Variants in SLC6A11 observed in about 807,000 individuals in gnomAD.
SLC6A11 encodes the protein sodium- and chloride-dependent GABA transporter 3.
A neutral mutation model predicts 74.8 loss-of-function variants in SLC6A11; 25 were observed. The observed-to-expected ratio is 0.33, with a 90% CI of 0.24 to 0.47. The LOEUF (loss-of-function observed/expected upper bound fraction) is 0.47, where lower values mean the gene tolerates loss of function less well. Ranked by LOEUF, SLC6A11 falls within the 20% of genes least tolerant of loss-of-function variation. The probability of loss-of-function intolerance (pLI) is 1.00; values close to 1 mark genes in which losing one functional copy is unlikely to be tolerated. For missense variants in SLC6A11, 574 were observed against 837.0 expected (o/e 0.69, Z 3.88); for synonymous variants, 330 against 330.2 (o/e 1.00, Z 0.01).
intron 5 of SLC6A11, among the ~76,000 whole-genome samples, chr3:10,861,855 T>C (rs560081817): frequency 2.2e-4 from 33 of 152,264 alleles, no homozygotes; most frequent in Non-Finnish European, 1.2e-4. Flanking sequence ...CATCATGGGT[T>C]AGCTGGGAGG....
intron 5 of SLC6A11, among the ~76,000 whole-genome samples, chr3:10,848,255 C>T (rs561091769): frequency 1.3e-5 from 2 of 152,240 alleles, no homozygotes; most frequent in South Asian, 4.2e-4. Context: ...GGGACTATGG[C>T]GATTTTCTAA....
At chr3:10,829,649 G>A (rs1411395511) in intron 4 of SLC6A11, among the ~76,000 whole-genome samples, 2 of 152,176 alleles carry the variant, frequency 1.3e-5, no homozygotes, top group East Asian at 1.9e-4. Context: ...AACCTGAAGA[G>A]CCTCTGCCTG....
At chr3:10,829,599 G>A (rs2106576315) in intron 4 of SLC6A11, among the ~76,000 whole-genome samples, 1 of 152,166 alleles carries the variant, frequency 6.6e-6, no homozygotes, top group East Asian at 1.9e-4. Flanking sequence ...CCCAGTTTAA[G>A]CAGCTGCCCC....
chr3:10,921,790 A>G (rs1477619000), intron 8 of SLC6A11, among the ~76,000 whole-genome samples: 2 of 152,232 alleles, frequency 1.3e-5, no homozygotes, highest in East Asian at 1.9e-4. Flanking sequence ...GGGAAAAGAT[A>G]TACCATTCAA....
intron 12 of SLC6A11, 140 bp from the exon 13 acceptor site, chr3:10,934,889 C>T: frequency 1.4e-6 from 1 of 728,698 alleles, no homozygotes; most frequent in Non-Finnish European, 2.3e-6. Context: ...CTGGCAGGGC[C>T]TCACTTTTCA....
At chr3:10,840,978 C>T (rs1011604917) in intron 4 of SLC6A11, among the ~76,000 whole-genome samples, 11 of 152,038 alleles carry the variant, frequency 7.2e-5, no homozygotes, top group African/African-American at 2.4e-4. Flanking sequence ...GCCGCTTCCC[C>T]GAGGTGGAGC....
intron 6 of SLC6A11, among the ~76,000 whole-genome samples, chr3:10,884,330 C>G (rs945298170): frequency 6.6e-6 from 1 of 152,126 alleles, no homozygotes; most frequent in Admixed American, 6.5e-5. Flanking sequence ...AGAAACTTGT[C>G]TTTTAATTTA....
intron 6 of SLC6A11, among the ~76,000 whole-genome samples, chr3:10,896,165 T>C (rs896273540): frequency 6.6e-6 from 1 of 152,196 alleles, no homozygotes; most frequent in African/African-American, 2.4e-5. Context: ...CCTCCTGCCC[T>C]TTGTAGAACA....
intron 4 of SLC6A11, among the ~76,000 whole-genome samples, chr3:10,830,887 C>A (rs991817419): frequency 1.3e-5 from 2 of 152,060 alleles, no homozygotes; most frequent in Admixed American, 6.5e-5. Context: ...AGGCAGCCTC[C>A]CCAGGCTGCA....
intron 4 of SLC6A11, among the ~76,000 whole-genome samples, chr3:10,832,364 C>T (rs1694308979): frequency 6.6e-6 from 1 of 152,102 alleles, no homozygotes; most frequent in Admixed American, 6.5e-5. Context: ...TGAGGACACA[C>T]ACCAGACTTG....
chr3:10,858,387 G>C (rs1359137044), intron 5 of SLC6A11, among the ~76,000 whole-genome samples: 1 of 152,210 alleles, frequency 6.6e-6, no homozygotes, highest in Admixed American at 6.5e-5. Context: ...GGAACATGCA[G>C]AAATCTTGAG....
chr3:10,869,150 G>A (rs144082331), intron 5 of SLC6A11, among the ~76,000 whole-genome samples: 3 of 152,312 alleles, frequency 2.0e-5, no homozygotes, highest in Admixed American at 2.0e-4. Flanking sequence ...GAAAATAAAA[G>A]ACCAAACCCT....
chr3:10,848,538 C>T (rs1435019477), intron 5 of SLC6A11, among the ~76,000 whole-genome samples: 1 of 152,224 alleles, frequency 6.6e-6, no homozygotes, highest in Non-Finnish European at 1.5e-5. Context: ...TCCCTACACC[C>T]CAGCTTCAGT....
chr3:10,891,832 A>G (rs1274054230), intron 6 of SLC6A11, among the ~76,000 whole-genome samples: 1 of 152,220 alleles, frequency 6.6e-6, no homozygotes, highest in Admixed American at 6.5e-5. Context: ...TGTCTCACTA[A>G]TTTTGTGTCC....
At chr3:10,899,181 A>G (rs1695207038) in intron 6 of SLC6A11, among the ~76,000 whole-genome samples, 1 of 152,148 alleles carries the variant, frequency 6.6e-6, no homozygotes, top group African/African-American at 2.4e-5. Context: ...CACAGAGCCA[A>G]ACCATATCAA....
intron 5 of SLC6A11, among the ~76,000 whole-genome samples, chr3:10,872,486 C>G (rs1694839282): frequency 6.6e-6 from 1 of 152,194 alleles, no homozygotes; most frequent in Non-Finnish European, 1.5e-5. Flanking sequence ...ACTGCTCTTG[C>G]AGTGAGGGAC....
intron 5 of SLC6A11, among the ~76,000 whole-genome samples, chr3:10,869,072 C>A (rs187804770): frequency 2.1e-4 from 32 of 152,286 alleles, no homozygotes; most frequent in Admixed American, 2.0e-3. Flanking sequence ...TTCCTCTGTC[C>A]AACAAATATG....
At chr3:10,914,988 C>A (rs1271238342) in intron 7 of SLC6A11, among the ~76,000 whole-genome samples, 1 of 152,126 alleles carries the variant, frequency 6.6e-6, no homozygotes, top group African/African-American at 2.4e-5. Flanking sequence ...ATCTCTTGTA[C>A]TTAGTTTAGT....
In SLC6A11 at chr3:10,835,089, G is replaced by A. The variant is rs532188335; in HGVS notation, c.624-9125G>A. On this transcript the variant is annotated intron_variant, in intron 4 of 13. Transcript: ENST00000254488. The stretch of plus-strand genomic sequence containing the variant: ...CGCCTATCCTGGCCACCACCCATCC[G>A]CGACACACAGTGGCTTCTTGCAATC... Among the ~76,000 whole-genome samples, 11 of 152,296 alleles carry A rather than the reference G, an allele frequency of 7.2e-5. No individual in the cohort carries two copies. The South Asian group carries it at 1.2e-3, about 17-fold the overall frequency.
Sources: gnomAD v4.1 joint callset for allele counts (sites outside exome capture counted in the v4.1 genomes callset) on GRCh38, gnomAD v4.1.1 for gene constraint, MANE v1.5 for transcripts, NCBI Gene and HGNC (gene_info 2026-07-23, HGNC 2026-07-21) for gene names.